The following WIPF3 variants were observed in gnomAD, a reference collection of about 807,000 sequenced individuals.
WIPF3 encodes WAS/WASL-interacting protein family member 3.
A neutral mutation model predicts 38.9 loss-of-function variants in WIPF3; 33 were observed. That is an observed-to-expected ratio of 0.85 (90% CI 0.64 to 1.14). The LOEUF is 1.14. Ranked by LOEUF, WIPF3 falls within the 50% of genes most tolerant of loss-of-function variation. The pLI, the probability that WIPF3 is intolerant of heterozygous loss-of-function variation, is 0.00. For missense variants in WIPF3, 711 were observed against 652.5 expected, an observed-to-expected ratio of 1.09 and a Z score of -0.98; for synonymous variants, 324 against 269.3, an observed-to-expected ratio of 1.20 and a Z score of -1.99.
At chr7:29,861,581 C>T (rs908497217) in intron 2 of WIPF3, among the ~76,000 whole-genome samples, 2 of 152,174 alleles carry the variant, frequency 1.3e-5, no homozygotes, top group African/African-American at 2.4e-5. Context: ...TAATATATTG[C>T]TTGTTTATTG....
intron 2 of WIPF3, among the ~76,000 whole-genome samples, chr7:29,864,281 A>C (rs566740325): frequency 6.6e-6 from 1 of 152,130 alleles, no homozygotes; most frequent in African/African-American, 2.4e-5. Flanking sequence ...TGATGTGATC[A>C]TGTGATTTTT....
intron 2 of WIPF3, among the ~76,000 whole-genome samples, chr7:29,859,764 CTG>C (rs1289801296): frequency 3.9e-5 from 6 of 152,130 alleles, no homozygotes; most frequent in Non-Finnish European, 8.8e-5. Flanking sequence ...CTGGGTTAAA[CTG>C]TTAAAATGCA....
Position 29,888,519 on chromosome 7 carries a change from G to A in WIPF3, c.1249+302G>A, listed in dbSNP as rs1368886918. 9.2e-5 allele frequency among the ~76,000 whole-genome samples: 14 copies of A among 151,976 alleles called. No homozygotes were observed. The East Asian group carries it at 2.3e-3, about 25-fold the overall frequency. On this transcript the variant is annotated intron_variant, in intron 6 of 8. Transcript: ENST00000242140. ...CGTGTGCGTGTGTGTGCGTGTGTGT[G>A]TGTGTGTGTGTGTGTCTATGGAGAA...
intron 2 of WIPF3, among the ~76,000 whole-genome samples, chr7:29,849,999 A>C (rs980598644): frequency 6.6e-6 from 1 of 152,158 alleles, no homozygotes; most frequent in Non-Finnish European, 1.5e-5. Flanking sequence ...TGTCAGAGGG[A>C]AGGGTATGTC....
chr7:29,895,193 G>A (rs895329736), intron 7 of WIPF3, among the ~76,000 whole-genome samples: 1 of 152,034 alleles, frequency 6.6e-6, no homozygotes, highest in African/African-American at 2.4e-5. Flanking sequence ...CGCCCACCTC[G>A]GCAACTCAAA....
chr7:29,838,479 CAAAA>C (rs1485922195), intron 2 of WIPF3, among the ~76,000 whole-genome samples: 1 of 151,722 alleles, frequency 6.6e-6, no homozygotes, highest in African/African-American at 2.4e-5. Flanking sequence ...AAGAAAGAAA[CAAAA>C]AACAACCCAC....
chr7:29,869,992 G>A (rs999623134), intron 2 of WIPF3, among the ~76,000 whole-genome samples: 1 of 152,288 alleles, frequency 6.6e-6, no homozygotes, highest in Admixed American at 6.5e-5. Flanking sequence ...AGTCATTGCA[G>A]ATTTTGAGTG....
intron 2 of WIPF3, among the ~76,000 whole-genome samples, chr7:29,850,495 C>A (rs1394537707): frequency 6.6e-6 from 1 of 152,180 alleles, no homozygotes; most frequent in African/African-American, 2.4e-5. Flanking sequence ...AGGGCCTCTC[C>A]CGAGCTGGAG....
At chr7:29,830,462 A>C (rs920993734) in intron 1 of WIPF3, among the ~76,000 whole-genome samples, 1 of 152,044 alleles carries the variant, frequency 6.6e-6, no homozygotes, top group Non-Finnish European at 1.5e-5. Flanking sequence ...TATACTAAAA[A>C]TACAAAAATT....
At chr7:29,818,803 T>C (rs1397551983) in intron 1 of WIPF3, among the ~76,000 whole-genome samples, 1 of 152,146 alleles carries the variant, frequency 6.6e-6, no homozygotes, top group Admixed American at 6.5e-5. Context: ...ATTTGTTTAG[T>C]CTTTCTCCAT....
intron 2 of WIPF3, among the ~76,000 whole-genome samples, chr7:29,855,498 T>C (rs1297186442): frequency 6.6e-6 from 1 of 152,222 alleles, no homozygotes; most frequent in Non-Finnish European, 1.5e-5. Flanking sequence ...TTGGATGGTC[T>C]CAGCATTCAT....
Position 29,844,801 on chromosome 7 carries a change from T to G in WIPF3, c.90+9987T>G, listed in dbSNP as rs77922484. Among the ~76,000 whole-genome samples the G allele has an allele frequency of 8.5e-3, 1,300 of 152,280 alleles. 5 individuals carry two copies. The highest frequency in any genetic ancestry group is 0.034 in the Middle Eastern group (10 of 294). On this transcript the variant is annotated intron_variant, in intron 2 of 8. Coordinates refer to ENST00000242140, the MANE Select transcript of WIPF3 (RefSeq NM_001080529.3). This position sits in a 1 kb window ranked among gnomAD's most constrained non-coding sequence, Gnocchi z 4.8. ...TTTAAGGATGAGCTAACTCAGGCAC[T>G]GGGGGCACGTCACTTACTGGGCAGG...
intron 2 of WIPF3, among the ~76,000 whole-genome samples, chr7:29,874,779 A>G (rs1785557354): frequency 6.6e-6 from 1 of 152,212 alleles, no homozygotes. Context: ...AGCTGAAGCT[A>G]CAGCTGAAGT....
At position 29,916,893 on chromosome 7, in the gene WIPF3, A is replaced by C. The variant is rs2128083140; in HGVS notation, c.*2377A>C. On this transcript the variant is annotated 3_prime_UTR_variant, in exon 9 of 9. Transcript: ENST00000242140. ...TGTAAAGGTTTAACCCCTTGACTGT[A>C]AACTCAGACTTAGAGACATCTGAGT... is the stretch of plus-strand genomic sequence containing the variant. 1 of 152,268 alleles carries C rather than the reference A, an allele frequency of 6.6e-6. No homozygotes were observed. Among genetic ancestry groups the C allele is most frequent in the African/African-American group, 2.4e-5 (1 of 41,536 alleles). 9.4% of individuals were successfully genotyped at this position (152,268 alleles called of 1,614,324 possible).
At chr7:29,810,648 C>T (rs771443094) in intron 1 of WIPF3, among the ~76,000 whole-genome samples, 2 of 152,204 alleles carry the variant, frequency 1.3e-5, no homozygotes, top group Non-Finnish European at 2.9e-5. Flanking sequence ...ATAGTTATCT[C>T]CTTTAGGGCT....
chr7:29,876,063 G>A (rs1467053147), intron 3 of WIPF3, 101 bp downstream of exon 3: 2 of 1,484,210 alleles, frequency 1.3e-6, no homozygotes, highest in Non-Finnish European at 1.8e-6. Flanking sequence ...TGCTTCCCAG[G>A]ATGCATATGG....
intron 2 of WIPF3, among the ~76,000 whole-genome samples, chr7:29,836,727 A>T (rs1374731397): frequency 1.3e-5 from 2 of 152,194 alleles, no homozygotes; most frequent in Non-Finnish European, 2.9e-5. Flanking sequence ...AGTGGCTCAC[A>T]CCTGTTATCC....
At chr7:29,831,249 A>G (rs998836183) in intron 1 of WIPF3, among the ~76,000 whole-genome samples, 2 of 152,228 alleles carry the variant, frequency 1.3e-5, no homozygotes, top group Non-Finnish European at 2.9e-5. Context: ...TGGAGAAAAT[A>G]TAAGTGTTTG....
rs925106681 is a variant in WIPF3, at chr7:29,844,767, T to C, written c.90+9953T>C. Among the ~76,000 whole-genome samples the C allele has an allele frequency of 1.3e-5, 2 of 152,224 alleles. No homozygotes were observed. Among genetic ancestry groups the C allele is most frequent in the African/African-American group, 4.8e-5 (2 of 41,454 alleles). ...CACAGTAACCCTTTGAGGCAGGTAC[T>C]GTTCTCATTTTAAGGATGAGCTAAC... On this transcript the variant is annotated intron_variant, in intron 2 of 8. Transcript: ENST00000242140. This position sits in a 1 kb window ranked among gnomAD's most constrained non-coding sequence, Gnocchi z 4.8.
Sources: gnomAD v4.1 joint callset for allele counts (sites outside exome capture counted in the v4.1 genomes callset) on GRCh38, gnomAD v4.1.1 for gene constraint, Gnocchi (gnomAD v3.1) non-coding constraint, MANE v1.5 for transcripts, NCBI Gene and HGNC (gene_info 2026-07-23, HGNC 2026-07-21) for gene names.